Variants in LPXN observed in about 807,000 individuals in gnomAD.
LPXN encodes the protein leupaxin.
In LPXN, 28 loss-of-function variants were observed where a neutral mutation model predicts 45.6. The observed-to-expected ratio is 0.61, with a 90% confidence interval of 0.45 to 0.84. The LOEUF (loss-of-function observed/expected upper bound fraction) is 0.84. LPXN is among the 40% of genes least tolerant of loss of function. LPXN has a pLI of 0.00. For missense variants in LPXN, 459 were observed against 475.0 expected (o/e 0.97, Z 0.31); for synonymous variants, 166 against 169.9 (o/e 0.98, Z 0.18).
intron 7 of LPXN, among the ~76,000 whole-genome samples, chr11:58,549,026 C>G (rs1288800970): frequency 6.6e-6 from 1 of 152,144 alleles, no homozygotes; most frequent in Non-Finnish European, 1.5e-5. Context: ...CTCATCTTCC[C>G]TCTTAGACAG....
chr11:58,562,994 T>A (rs1164731893), intron 3 of LPXN, among the ~76,000 whole-genome samples: 1 of 152,162 alleles, frequency 6.6e-6, no homozygotes, highest in Admixed American at 6.5e-5. Context: ...GAGAGGCCCA[T>A]ACTATGAGGA....
intron 7 of LPXN, among the ~76,000 whole-genome samples, chr11:58,543,911 T>C (rs568541021): frequency 1.5e-4 from 23 of 152,252 alleles, no homozygotes; most frequent in Non-Finnish European, 2.1e-4. Flanking sequence ...AACATGACAA[T>C]AGAAGCAGCT....
intron 4 of LPXN, among the ~76,000 whole-genome samples, chr11:58,552,227 G>A (rs978320480): frequency 2.6e-5 from 4 of 151,742 alleles, no homozygotes; most frequent in African/African-American, 9.7e-5. Flanking sequence ...GGTGAGAAGT[G>A]GTCAGATAAG....
chr11:58,531,357 A>G (rs1349574345), intron 7 of LPXN, among the ~76,000 whole-genome samples: 3 of 152,214 alleles, frequency 2.0e-5, no homozygotes, highest in Admixed American at 6.5e-5. Context: ...TTAGAGAAGA[A>G]CATACATGAC....
chr11:58,542,143 A>G (rs1436669494), intron 7 of LPXN, among the ~76,000 whole-genome samples: 1 of 152,030 alleles, frequency 6.6e-6, no homozygotes, highest in African/African-American at 2.4e-5. Flanking sequence ...ATACATATGT[A>G]ACTAACCTGC....
intron 8 of LPXN, 51 bp from the exon 9 acceptor site, chr11:58,527,774 A>T (rs1331925205): frequency 4.5e-6 from 7 of 1,549,582 alleles, no homozygotes; most frequent in Non-Finnish European, 5.3e-6. Flanking sequence ...AAGAGGTAAA[A>T]TGTCAGCAAA....
chr11:58,575,350 A>G (rs1009408379), intron 1 of LPXN, among the ~76,000 whole-genome samples: 3 of 152,136 alleles, frequency 2.0e-5, no homozygotes, highest in African/African-American at 4.8e-5. Context: ...TTTCTTCCTC[A>G]TAACACCCCA....
intron 2 of LPXN, among the ~76,000 whole-genome samples, chr11:58,566,615 A>G (rs59104317): frequency 0.4 from 60,574 of 152,080 alleles, 12,185 homozygotes; most frequent in Middle Eastern, 0.53. Flanking sequence ...AATTGTCAAA[A>G]TAGATAATTA....
chr11:58,558,684 A>G (rs1359955727), intron 3 of LPXN, among the ~76,000 whole-genome samples: 2 of 152,048 alleles, frequency 1.3e-5, no homozygotes, highest in African/African-American at 4.8e-5. Context: ...GGGGCATTTC[A>G]AATCATCCAA....
chr11:58,535,377 CA>C (rs1424023062), intron 7 of LPXN, among the ~76,000 whole-genome samples: 1 of 152,188 alleles, frequency 6.6e-6, no homozygotes, highest in Non-Finnish European at 1.5e-5. Context: ...ATACACAAAT[CA>C]ATAAACATAA....
intron 7 of LPXN, among the ~76,000 whole-genome samples, chr11:58,536,901 GA>G (rs924881488): frequency 1.4e-4 from 20 of 146,644 alleles, no homozygotes; most frequent in East Asian, 4.0e-4. Context: ...ATAAACATAT[GA>G]AAAAAAAAAG....
intron 7 of LPXN, among the ~76,000 whole-genome samples, chr11:58,546,260 T>C (rs1420289265): frequency 2.0e-5 from 3 of 152,064 alleles, no homozygotes; most frequent in African/African-American, 2.4e-5. Context: ...TCAGAGGGGC[T>C]CAGGAACTGA....
upstream of LPXN, among the ~76,000 whole-genome samples, chr11:58,578,762 A>T (rs1377847849): frequency 6.6e-6 from 1 of 151,360 alleles, no homozygotes; most frequent in Non-Finnish European, 1.5e-5. Flanking sequence ...TGAGGCGGGG[A>T]AAGAGGTGCG....
At chr11:58,558,219 G>A (rs1386864213) in intron 3 of LPXN, among the ~76,000 whole-genome samples, 1 of 151,670 alleles carries the variant, frequency 6.6e-6, no homozygotes, top group Non-Finnish European at 1.5e-5. Flanking sequence ...GTCTTATAGA[G>A]TAACAATAAT....
chr11:58,563,112 A>C (rs892018276), intron 3 of LPXN, among the ~76,000 whole-genome samples: 15 of 152,138 alleles, frequency 9.9e-5, no homozygotes, highest in Admixed American at 9.2e-4. Flanking sequence ...TCATGCATTC[A>C]CTCGCATTTC....
Position 58,550,925 on chromosome 11 carries a change from T to C in LPXN, c.486+140A>G. The C allele has an allele frequency of 4.4e-6, 3 of 685,092 alleles. No individual in the cohort carries two copies. In the South Asian group the frequency reaches 1.0e-4, roughly 23 times the overall value. 42.4% of individuals were successfully genotyped at this position (685,092 alleles called of 1,614,324 possible). A position where few individuals can be genotyped will look rare whatever the true frequency, so the allele number is the denominator to read the frequency against. ...AGGAAATACTTGTAAAGCACTTAGC[T>C]CAGTGGCCAGAGCACTGTAAGTGAT... On this transcript the variant is annotated intron_variant, in intron 5 of 8. Coordinates refer to ENST00000395074, the MANE Select transcript of LPXN (RefSeq NM_004811.3).
chr11:58,558,706 C>T (rs553374926), intron 3 of LPXN, among the ~76,000 whole-genome samples: 1 of 151,906 alleles, frequency 6.6e-6, no homozygotes, highest in African/African-American at 2.4e-5. Flanking sequence ...ACAGACTATT[C>T]GACTCAAAGA....
At chr11:58,577,858 C>A, upstream of LPXN, 1 of 751,266 alleles carries the variant, frequency 1.3e-6, no homozygotes, top group Non-Finnish European at 2.0e-6. Context: ...GGTGTCCCAA[C>A]AAGGTCTAGT....
intron 7 of LPXN, among the ~76,000 whole-genome samples, chr11:58,541,260 A>G (rs970577057): frequency 1.3e-5 from 2 of 152,148 alleles, no homozygotes; most frequent in African/African-American, 2.4e-5. Flanking sequence ...GCAACTTACA[A>G]AATGGGAGAA....
Sources: allele counts gnomAD v4.1 joint callset (sites outside exome capture counted in the v4.1 genomes callset), GRCh38; gene constraint gnomAD v4.1.1; transcripts MANE v1.5; gene names NCBI Gene and HGNC (gene_info 2026-07-23, HGNC 2026-07-21).